The following ATP8B1 variants were observed in gnomAD, a reference collection of about 807,000 sequenced individuals.
ATP8B1 encodes phospholipid-transporting ATPase IC.
A neutral mutation model predicts 149.9 loss-of-function variants in ATP8B1; 80 were observed. The observed-to-expected ratio is 0.53, with a 90% CI of 0.45 to 0.64. The LOEUF (loss-of-function observed/expected upper bound fraction) is 0.64. Among genes scored for constraint, ATP8B1 ranks in the 30% least tolerant of loss-of-function variants. The pLI is 0.00. For missense variants in ATP8B1, 1,247 were observed against 1,552.6 expected (o/e 0.80, Z 3.31); for synonymous variants, 536 against 562.8 (o/e 0.95, Z 0.67).
At chr18:57,756,686 C>G (rs2080088348) in intron 1 of ATP8B1, among the ~76,000 whole-genome samples, 1 of 126,022 alleles carries the variant, frequency 7.9e-6, no homozygotes, top group African/African-American at 2.8e-5. Flanking sequence ...TAAAACTGAA[C>G]CTCCCACTTT....
At chr18:57,675,082 T>A in intron 15 of ATP8B1, 60 bp from the exon 16 acceptor site, 3 of 1,561,522 alleles carry the variant, frequency 1.9e-6, no homozygotes, top group Non-Finnish European at 2.6e-6. Context: ...GAGCTCATTG[T>A]TGAGGCCTCT....
At chr18:57,671,624 T>TTA in intron 16 of ATP8B1, 44 bp from the exon 17 acceptor site, 2 of 1,348,654 alleles carry the variant, frequency 1.5e-6, no homozygotes, top group East Asian at 2.3e-5. Flanking sequence ...GTTTGATTTT[T>TTA]TATATATATA....
intron 15 of ATP8B1, among the ~76,000 whole-genome samples, chr18:57,675,680 C>T (rs535998180): frequency 1.3e-5 from 2 of 152,268 alleles, no homozygotes; most frequent in East Asian, 3.9e-4. Context: ...GCTACAGGCT[C>T]ATGTCACCTC....
intron 1 of ATP8B1, among the ~76,000 whole-genome samples, chr18:57,771,389 C>A (rs2080261583): frequency 6.6e-6 from 1 of 152,154 alleles, no homozygotes; most frequent in Non-Finnish European, 1.5e-5. Context: ...GGGCGTGGTG[C>A]ATCTCCTATT....
At chr18:57,734,737 A>C (rs141872842) in intron 1 of ATP8B1, among the ~76,000 whole-genome samples, 1 of 152,136 alleles carries the variant, frequency 6.6e-6, no homozygotes, top group East Asian at 1.9e-4. Flanking sequence ...CCATTATCTT[A>C]TGGCTTCACA....
chr18:57,759,840 A>G (rs1253716703), intron 1 of ATP8B1, among the ~76,000 whole-genome samples: 2 of 149,200 alleles, frequency 1.3e-5, no homozygotes, highest in East Asian at 1.9e-4. Flanking sequence ...AAAAAAAAAA[A>G]GGTATTTGGA....
intron 2 of ATP8B1, among the ~76,000 whole-genome samples, chr18:57,710,255 G>A (rs537516404): frequency 6.6e-6 from 1 of 152,322 alleles, no homozygotes; most frequent in Admixed American, 6.5e-5. Context: ...TAACAAGGGT[G>A]TGCCATCAGA....
At chr18:57,763,509 C>T (rs1303847723) in intron 1 of ATP8B1, among the ~76,000 whole-genome samples, 1 of 152,136 alleles carries the variant, frequency 6.6e-6, no homozygotes, top group African/African-American at 2.4e-5. Context: ...TTTTCAAATT[C>T]CAACAAACAT....
intron 11 of ATP8B1, among the ~76,000 whole-genome samples, chr18:57,693,155 G>C (rs1294490819): frequency 6.6e-6 from 1 of 152,200 alleles, no homozygotes; most frequent in Non-Finnish European, 1.5e-5. Flanking sequence ...ATTTTTATGT[G>C]ATTTTAAACA....
intron 2 of ATP8B1, among the ~76,000 whole-genome samples, chr18:57,718,832 T>C (rs965520691): frequency 7.9e-5 from 12 of 151,904 alleles, no homozygotes; most frequent in African/African-American, 2.7e-4. Flanking sequence ...CACTTCATGA[T>C]AAAAAAAATC....
At chr18:57,740,578 T>TC (rs2079903263) in intron 1 of ATP8B1, 1 of 149,784 alleles carries the variant, frequency 6.7e-6, no homozygotes, top group Non-Finnish European at 1.5e-5. Flanking sequence ...CCTTTTTTTT[T>TC]TTTTTTTTGG....
rs189326810 is a variant in ATP8B1 at position 57,697,719 on chromosome 18, G to A, written c.628-31C>T. 1.5e-4 allele frequency: 238 copies of A among 1,613,636 alleles called. No individual in the cohort carries two copies. The highest frequency in any genetic ancestry group is 9.7e-5 in the Non-Finnish European group (115 of 1,179,702). On this transcript the variant is annotated intron_variant, in intron 7 of 27. Transcript: ENST00000648908. Reference sequence around the variant, plus strand: ...CAAAACAAAACACACAAATAACACCGAGACCCTGAGGGAAAAGCCGAGCAC... The same window carrying A: ...CAAAACAAAACACACAAATAACACCAAGACCCTGAGGGAAAAGCCGAGCAC...
At chr18:57,709,257 T>C (rs1178681586) in intron 2 of ATP8B1, among the ~76,000 whole-genome samples, 1 of 152,240 alleles carries the variant, frequency 6.6e-6, no homozygotes, top group African/African-American at 2.4e-5. Flanking sequence ...CAGAGCTCCA[T>C]GGACAGACAC....
rs1356269230 is a variant in ATP8B1 at position 57,732,155 on chromosome 18, A to ATATATGTG, written c.-25-324_-25-323insCACATATA. The ATATATGTG allele has an allele frequency of 1.9e-3, 81 of 43,618 alleles. 4 individuals carry two copies. The highest frequency in any genetic ancestry group is 2.6e-3 in the Admixed American group (10 of 3,810). The allele number at this position is 43,618 out of a possible 1,614,324, so 2.7% of individuals were successfully genotyped here. A position where few individuals can be genotyped will look rare whatever the true frequency, so the allele number is the denominator to read the frequency against. ...TATATGTATATATGTGTATATATGT[A>ATATATGTG]TATATATGTATATATGTATATATGT... On this transcript the variant is annotated intron_variant, in intron 1 of 27. Transcript: ENST00000648908.
intron 6 of ATP8B1, among the ~76,000 whole-genome samples, chr18:57,700,807 A>G (rs900712848): frequency 3.3e-5 from 5 of 151,988 alleles, no homozygotes; most frequent in African/African-American, 9.7e-5. Flanking sequence ...AATCCCATCT[A>G]CTCGGAGGCT....
chr18:57,666,171 C>T (rs760750466), intron 20 of ATP8B1, among the ~76,000 whole-genome samples: 1 of 152,106 alleles, frequency 6.6e-6, no homozygotes, highest in Non-Finnish European at 1.5e-5. Context: ...ACTGTCAGGC[C>T]ATCAGTAAAC....
At chr18:57,648,771 G>T (rs996066768) in intron 27 of ATP8B1, 59 bp from the exon 28 acceptor site, 4 of 1,518,258 alleles carry the variant, frequency 2.6e-6, no homozygotes, top group Non-Finnish European at 3.6e-6. Context: ...GAGGAGGCCT[G>T]GCCAGACGGT....
chr18:57,748,767 C>G (rs760300707), intron 1 of ATP8B1, among the ~76,000 whole-genome samples: 2 of 152,198 alleles, frequency 1.3e-5, no homozygotes, highest in African/African-American at 2.4e-5. Flanking sequence ...TTTCTTTTCT[C>G]TCTTCTAATT....
intron 2 of ATP8B1, 145 bp downstream of exon 2, chr18:57,731,482 C>T: frequency 1.1e-6 from 1 of 945,294 alleles, no homozygotes. Flanking sequence ...GCCCATCCAC[C>T]ATTCTGTCAG....
Sources: allele counts gnomAD v4.1 joint callset (sites outside exome capture counted in the v4.1 genomes callset), GRCh38; gene constraint gnomAD v4.1.1; transcripts MANE v1.5; gene names NCBI Gene and HGNC (gene_info 2026-07-23, HGNC 2026-07-21).